CPQ: variants seen among roughly 807,000 people sequenced by gnomAD.
CPQ encodes carboxypeptidase Q, also known as Ser-Met dipeptidase.
A neutral mutation model predicts 45.7 loss-of-function variants in CPQ; 37 were observed. The ratio of observed to expected loss-of-function variants is 0.81; its 90% CI spans 0.62 to 1.07. The LOEUF is 1.07. Ranked by LOEUF, CPQ falls within the 50% of genes least tolerant of loss-of-function variation. The probability of loss-of-function intolerance (pLI) is 0.00; values close to 1 mark genes in which losing one functional copy is unlikely to be tolerated. For missense variants in CPQ, 537 were observed against 572.9 expected, an observed-to-expected ratio of 0.94 and a Z score of 0.64; for synonymous variants, 186 against 205.8, an observed-to-expected ratio of 0.90 and a Z score of 0.82.
chr8:97,066,094 A>G lies in CPQ; in HGVS notation c.1139A>G (p.Lys380Arg). 6.2e-7 allele frequency: 1 copy of G among 1,612,146 alleles called. No homozygotes were observed. Among genetic ancestry groups the G allele is most frequent in the Non-Finnish European group, 8.5e-7 (1 of 1,179,452 alleles). ...PTGLQFTGSE[K>R]ARAIMEEVMS... ...GGGCTGCAATTCACTGGCAGTGAAA[A>G]GGCCAGGGCCATCATGGAGGAGGTT... Residue 380 changes from lysine (K) to arginine (R), a missense_variant, in exon 7 of 8, where the codon AAG becomes AGG. Transcript: ENST00000220763.
intron 5 of CPQ, among the ~76,000 whole-genome samples, chr8:96,995,102 T>G (rs1586485370): frequency 6.6e-6 from 1 of 152,082 alleles, no homozygotes; most frequent in African/African-American, 2.4e-5. Flanking sequence ...TACGTCAGAC[T>G]ATCCAGGTTT....
intron 5 of CPQ, among the ~76,000 whole-genome samples, chr8:97,008,497 C>T (rs1809427138): frequency 6.6e-6 from 1 of 152,058 alleles, no homozygotes; most frequent in Non-Finnish European, 1.5e-5. Flanking sequence ...GTGTATTTTC[C>T]TTATTGGAGC....
intron 1 of CPQ, among the ~76,000 whole-genome samples, chr8:96,783,154 C>G (rs1030375973): frequency 6.6e-6 from 1 of 152,116 alleles, no homozygotes; most frequent in African/African-American, 2.4e-5. Context: ...CTTCCAAATT[C>G]TTCCGGCCTC....
At chr8:96,679,479 A>G (rs1362550152) in intron 1 of CPQ, among the ~76,000 whole-genome samples, 1 of 152,068 alleles carries the variant, frequency 6.6e-6, no homozygotes, top group Non-Finnish European at 1.5e-5. Context: ...ATTTTTTTGA[A>G]TAGTTTGAGA....
intron 4 of CPQ, among the ~76,000 whole-genome samples, chr8:96,903,449 G>A (rs182488015): frequency 4.3e-4 from 66 of 152,292 alleles, no homozygotes; most frequent in Middle Eastern, 6.8e-3. Context: ...TGTAAGGTGA[G>A]TATTTATGAA....
intron 5 of CPQ, among the ~76,000 whole-genome samples, chr8:97,007,124 G>A (rs180944483): frequency 1.3e-5 from 2 of 152,300 alleles, no homozygotes; most frequent in Admixed American, 1.3e-4. Context: ...AGTTTCTTCT[G>A]CAGAACTCTA....
intron 1 of CPQ, among the ~76,000 whole-genome samples, chr8:96,769,779 G>A (rs1810516647): frequency 6.6e-6 from 1 of 151,812 alleles, no homozygotes; most frequent in Admixed American, 6.6e-5. Flanking sequence ...CTACAGACAC[G>A]TGCCACCATG....
At chr8:96,906,912 A>G (rs577388731) in intron 4 of CPQ, among the ~76,000 whole-genome samples, 64 of 152,268 alleles carry the variant, frequency 4.2e-4, no homozygotes, top group African/African-American at 1.5e-3. Flanking sequence ...TAAGAAGTCT[A>G]TTTTCTAATA....
In CPQ at chr8:97,109,187, C is replaced by G. The variant is rs1223975061; in HGVS notation, c.1256-33833C>G. Reference sequence around the variant, plus strand: ...TCCCATTCCTGCTTCTAGCCATAATCCATTTCAAGGGTGTTCTTAATAGCT... The same window carrying G: ...TCCCATTCCTGCTTCTAGCCATAATGCATTTCAAGGGTGTTCTTAATAGCT... On this transcript the variant is annotated intron_variant, in intron 7 of 7. Transcript: ENST00000220763. Among the ~76,000 whole-genome samples the G allele has an allele frequency of 2.0e-5, 3 of 152,274 alleles. No homozygotes were observed. In the East Asian group the frequency reaches 5.8e-4, roughly 29 times the overall value.
intron 1 of CPQ, among the ~76,000 whole-genome samples, chr8:96,705,244 T>G (rs1809517654): frequency 6.6e-6 from 1 of 152,190 alleles, no homozygotes; most frequent in South Asian, 2.1e-4. Flanking sequence ...ACTTATTTTC[T>G]TGTCTTTTTC....
chr8:96,803,564 AGCT>A (rs1292806399), intron 2 of CPQ, among the ~76,000 whole-genome samples: 1 of 152,190 alleles, frequency 6.6e-6, no homozygotes, highest in East Asian at 1.9e-4. Context: ...GAGGTAAGTT[AGCT>A]GAAGCCAGTA....
chr8:97,108,194 A>T (rs1372814550), intron 7 of CPQ, among the ~76,000 whole-genome samples: 1 of 152,244 alleles, frequency 6.6e-6, no homozygotes, highest in Non-Finnish European at 1.5e-5. Flanking sequence ...ATAAAGTACT[A>T]ATATTCCATG....
intron 4 of CPQ, among the ~76,000 whole-genome samples, chr8:96,904,259 C>T (rs887964574): frequency 7.2e-5 from 11 of 152,252 alleles, no homozygotes; most frequent in African/African-American, 2.2e-4. Context: ...GTTATGTGTT[C>T]ATGACATAAA....
intron 3 of CPQ, among the ~76,000 whole-genome samples, chr8:96,847,994 T>C (rs1166876021): frequency 4.6e-5 from 7 of 151,036 alleles, no homozygotes; most frequent in Non-Finnish European, 1.0e-4. Context: ...CTCATATCTG[T>C]GTAATACAGA....
chr8:96,974,372 A>G (rs554807255), intron 5 of CPQ, among the ~76,000 whole-genome samples: 1 of 152,318 alleles, frequency 6.6e-6, no homozygotes, highest in East Asian at 1.9e-4. Flanking sequence ...AATTTATGAA[A>G]CAATTACTAT....
At chr8:96,811,780 A>G (rs1042124763) in intron 2 of CPQ, among the ~76,000 whole-genome samples, 2 of 152,168 alleles carry the variant, frequency 1.3e-5, no homozygotes, top group African/African-American at 2.4e-5. Context: ...TGCAACATGT[A>G]TAGATATTTA....
chr8:96,919,252 C>T (rs774276145), intron 4 of CPQ, among the ~76,000 whole-genome samples: 22 of 152,218 alleles, frequency 1.4e-4, no homozygotes, highest in Admixed American at 5.2e-4. Flanking sequence ...TCAGCTCATG[C>T]GACCTCTTTG....
intron 4 of CPQ, among the ~76,000 whole-genome samples, chr8:96,946,144 C>T (rs954607441): frequency 9.9e-5 from 15 of 151,190 alleles, no homozygotes; most frequent in African/African-American, 3.6e-4. Context: ...CATTTGATTT[C>T]ATCTTCAGCA....
At chr8:96,886,360 G>T (rs1409931393) in intron 4 of CPQ, among the ~76,000 whole-genome samples, 1 of 152,140 alleles carries the variant, frequency 6.6e-6, no homozygotes, top group Non-Finnish European at 1.5e-5. Context: ...AGGTGAAAAT[G>T]AGCGCTTTTT....
Sources: gnomAD v4.1 joint callset for allele counts (sites outside exome capture counted in the v4.1 genomes callset) on GRCh38, gnomAD v4.1.1 for gene constraint, MANE v1.5 for transcripts, NCBI Gene and HGNC (gene_info 2026-07-23, HGNC 2026-07-21) for gene names.